SCN7A: variants seen among roughly 807,000 people sequenced by gnomAD.
SCN7A encodes sodium channel protein type 7 subunit alpha.
A neutral mutation model predicts 155.2 loss-of-function variants in SCN7A; 138 were observed. That is an observed-to-expected ratio of 0.89 (90% confidence interval 0.77 to 1.02). The LOEUF (loss-of-function observed/expected upper bound fraction) is 1.02. Among genes scored for constraint, SCN7A ranks in the 50% least tolerant of loss-of-function variants. SCN7A has a pLI of 0.00. For missense variants in SCN7A, 2,058 were observed against 1,986.6 expected, an observed-to-expected ratio of 1.04 and a Z score of -0.68; for synonymous variants, 693 against 649.0, an observed-to-expected ratio of 1.07 and a Z score of -1.03.
chr2:166,485,713 A>G (rs1703032037), intron 2 of SCN7A, among the ~76,000 whole-genome samples: 1 of 152,074 alleles, frequency 6.6e-6, no homozygotes, highest in East Asian at 1.9e-4. Context: ...CCTACCAGTA[A>G]CTCTGGGAAA....
intron 21 of SCN7A, among the ~76,000 whole-genome samples, chr2:166,416,451 C>A (rs1701379543): frequency 6.6e-6 from 1 of 152,154 alleles, no homozygotes; most frequent in African/African-American, 2.4e-5. Flanking sequence ...CCCGGCGGCC[C>A]AGCTGTAAAA....
intron 21 of SCN7A, among the ~76,000 whole-genome samples, chr2:166,415,577 C>A (rs1487514378): frequency 6.6e-6 from 1 of 152,016 alleles, no homozygotes; most frequent in Admixed American, 6.6e-5. Context: ...GGACCCTGAA[C>A]AGAGGGACTG....
In SCN7A at chr2:166,494,042, C is replaced by T. The variant is rs1167185010; in HGVS notation, c.-202G>A. Reference sequence around the variant, plus strand: ...GCAGGGCTCCTTGGAGCCCTTTCCTCCTCCTGGGCTTCTCTTTCTCCACGG... The same window carrying T: ...GCAGGGCTCCTTGGAGCCCTTTCCTTCTCCTGGGCTTCTCTTTCTCCACGG... On this transcript the variant is annotated 5_prime_UTR_variant, in exon 1 of 26. Coordinates refer to ENST00000643258, the MANE Select transcript of SCN7A (RefSeq NM_002976.4). 2.0e-5 allele frequency: 3 copies of T among 152,454 alleles called. No homozygotes were observed. Among genetic ancestry groups the T allele is most frequent in the African/African-American group, 7.2e-5 (3 of 41,456 alleles). 9.4% of individuals were successfully genotyped at this position (152,454 alleles called of 1,614,324 possible). A position where few individuals can be genotyped will look rare whatever the true frequency, so the allele number is the denominator to read the frequency against.
In SCN7A at chr2:166,405,626, TA is replaced by T. The variant is rs1559081828; in HGVS notation, c.5002del (p.Tyr1668IlefsTer39). 1 of 1,607,024 alleles carries T rather than the reference TA, an allele frequency of 6.2e-7. No individual in the cohort carries two copies. Among genetic ancestry groups the T allele is most frequent in the Admixed American group, 1.7e-5 (1 of 58,968 alleles). ...RDVHATKEGA[Y>X]FDKAKEKSPI... ...TGACTTTTCCTTAGCTTTGTCAAAA[TA>T]GGCACCTTCTTTAGTAGCATGAACA... On this transcript the variant is annotated frameshift_variant, in exon 26 of 26. Transcript: ENST00000643258. LOFTEE classifies it low-confidence loss of function (END_TRUNC).
chr2:166,477,618 T>C lies in SCN7A; in HGVS notation c.79A>G (p.Lys27Glu), dbSNP rs1188407792. 6 of 1,604,162 alleles carry C rather than the reference T, an allele frequency of 3.7e-6. No homozygotes were observed. Among genetic ancestry groups the C allele is most frequent in the South Asian group, 2.2e-5 (2 of 89,528 alleles). ...SFELIKQHIA[K>E]THNEDHEEED... ...TCTTCATGGTCTTCATTATGTGTTT[T>C]AGCAATATGCTGTTTTATAAGTTCA... Residue 27 changes from lysine to glutamate, a missense_variant, in exon 3 of 26, where the codon AAA (lysine) becomes GAA (glutamate). By Grantham distance (56) the Lys-to-Glu change is moderately conservative. Coordinates refer to ENST00000643258, the MANE Select transcript of SCN7A (RefSeq NM_002976.4).
chr2:166,476,614 G>T (rs1369062179), intron 3 of SCN7A, among the ~76,000 whole-genome samples: 2 of 151,918 alleles, frequency 1.3e-5, no homozygotes, highest in African/African-American at 4.8e-5. Flanking sequence ...TCATCATTTA[G>T]AAATCTGCTG....
rs190989471 is a variant in SCN7A at position 166,459,220 on chromosome 2, T to C, written c.1084-2144A>G. Among the ~76,000 whole-genome samples, 23 of 152,272 alleles carry C rather than the reference T, an allele frequency of 1.5e-4. No individual in the cohort carries two copies. The East Asian group carries it at 4.4e-3, about 29-fold the overall frequency. Reference sequence around the variant, plus strand: ...ATGAAGGAATGCCTGAATTCAGAACTTTTGCTGTCTCCACTATATAATGCT... The same window carrying C: ...ATGAAGGAATGCCTGAATTCAGAACCTTTGCTGTCTCCACTATATAATGCT... On this transcript the variant is annotated intron_variant, in intron 10 of 25. Transcript: ENST00000643258.
chr2:166,441,270 G>T (rs1210230903), intron 15 of SCN7A, 126 bp downstream of exon 15: 7 of 614,784 alleles, frequency 1.1e-5, no homozygotes, highest in Non-Finnish European at 1.9e-5. Context: ...GCCACATCTG[G>T]CTAGTGGGTT....
At chr2:166,419,220 T>G (rs571884992) in intron 20 of SCN7A, among the ~76,000 whole-genome samples, 1 of 152,250 alleles carries the variant, frequency 6.6e-6, no homozygotes, top group South Asian at 2.1e-4. Context: ...AGAGTTTATT[T>G]TAGTTACATA....
chr2:166,492,555 G>T (rs144143388), intron 1 of SCN7A, among the ~76,000 whole-genome samples: 81 of 152,260 alleles, frequency 5.3e-4, no homozygotes, highest in African/African-American at 1.8e-3. Flanking sequence ...AATATGCAAA[G>T]CTAGCCAAAG....
At chr2:166,415,609 C>G (rs1042429352) in intron 21 of SCN7A, among the ~76,000 whole-genome samples, 1 of 152,086 alleles carries the variant, frequency 6.6e-6, no homozygotes, top group African/African-American at 2.4e-5. Context: ...GGCAGAGGAA[C>G]ATAAATTGCG....
rs148265071 is a variant in SCN7A, at chr2:166,477,362, G to C, written c.234+101C>G. The C allele has an allele frequency of 2.8e-4, 223 of 807,634 alleles. No homozygotes were observed. The African/African-American group carries it at 3.7e-3, about 13-fold the overall frequency. 50.0% of individuals were successfully genotyped at this position (807,634 alleles called of 1,614,324 possible). On this transcript the variant is annotated intron_variant, in intron 3 of 25. Transcript: ENST00000643258. ...AAAATTTAAAATCAGATCTTTCCCT[G>C]TTTTTCATTATCTTTTTGTATCCTA... is the stretch of plus-strand genomic sequence containing the variant.
intron 19 of SCN7A, 111 bp downstream of exon 19, chr2:166,423,148 T>C: frequency 9.7e-7 from 1 of 1,035,690 alleles, no homozygotes; most frequent in East Asian, 2.6e-5. Context: ...GTACCAACAA[T>C]GTAGAGAGAG....
chr2:166,439,591 TTGAGTTA>T (rs1701913151), intron 15 of SCN7A, among the ~76,000 whole-genome samples: 1 of 152,194 alleles, frequency 6.6e-6, no homozygotes, highest in Non-Finnish European at 1.5e-5. Context: ...CTCTGATATT[TTGAGTTA>T]TGAGTTATGT....
At chr2:166,413,032 AT>A in intron 22 of SCN7A, 35 bp downstream of exon 22, 2 of 1,422,202 alleles carry the variant, frequency 1.4e-6, no homozygotes, top group Non-Finnish European at 1.9e-6. Flanking sequence ...CTTTGCTTGT[AT>A]CCTAACAATG....
chr2:166,404,824 G>GAAAAAAAAAA lies in SCN7A; in HGVS notation c.*746_*755dup, dbSNP rs35675449. The GAAAAAAAAAA allele has an allele frequency of 5.6e-4, 35 of 62,730 alleles. 1 individual carries two copies. Among genetic ancestry groups the GAAAAAAAAAA allele is most frequent in the African/African-American group, 9.8e-4 (19 of 19,372 alleles). 3.9% of individuals were successfully genotyped at this position (62,730 alleles called of 1,614,324 possible). A position where few individuals can be genotyped will look rare whatever the true frequency, so the allele number is the denominator to read the frequency against. On this transcript the variant is annotated 3_prime_UTR_variant, in exon 26 of 26. Coordinates refer to ENST00000643258, the MANE Select transcript of SCN7A (RefSeq NM_002976.4). ...AAATAGGTGTAAATGAGAAGAAAAT[G>GAAAAAAAAAA]AAAAAAAAAAAAAAAAAAAAGGCTA...
chr2:166,444,695 G>T, intron 13 of SCN7A, 67 bp downstream of exon 13: 3 of 872,796 alleles, frequency 3.4e-6, no homozygotes, highest in African/African-American at 1.7e-5. Context: ...GAATAATGAT[G>T]AACAAAGAAA....
chr2:166,432,438 T>G lies in SCN7A; in HGVS notation c.2472A>C (p.Gln824His). 1 of 1,613,634 alleles carries G rather than the reference T, an allele frequency of 6.2e-7. No homozygotes were observed. Among genetic ancestry groups the G allele is most frequent in the Non-Finnish European group, 8.5e-7 (1 of 1,179,660 alleles). ...AGACACTAGGACTGGGGATAAGTGATTGGCTCTCATTTTCAGTAGCGTTTT... is the reference window on the plus strand; with the variant it reads ...AGACACTAGGACTGGGGATAAGTGAGTGGCTCTCATTTTCAGTAGCGTTTT... The part of the protein sequence containing the change: ...TEKNATENES[Q>H]SLIPSPSVSE... The change falls in exon 16 of 26, where the codon CAA becomes CAC. Residue 824 changes from glutamine to histidine, a missense_variant. Physicochemically the swap from Gln to His is conservative, Grantham distance 24. Transcript: ENST00000643258.
chr2:166,407,935 T>C (rs1221854269), intron 25 of SCN7A, among the ~76,000 whole-genome samples: 2 of 151,876 alleles, frequency 1.3e-5, no homozygotes, highest in African/African-American at 2.4e-5. Context: ...TGTGTTCTCA[T>C]TGTTCAACTC....
Sources: allele counts gnomAD v4.1 joint callset (sites outside exome capture counted in the v4.1 genomes callset), GRCh38; gene constraint gnomAD v4.1.1; transcripts MANE v1.5; gene names NCBI Gene and HGNC (gene_info 2026-07-23, HGNC 2026-07-21).